The following CUX2 variants were observed in gnomAD, a reference collection of about 807,000 sequenced individuals.
CUX2 encodes homeobox protein cut-like 2.
A neutral mutation model predicts 144.8 loss-of-function variants in CUX2; 40 were observed. The observed-to-expected ratio is 0.28, with a 90% CI of 0.21 to 0.36. CUX2 has a LOEUF of 0.36. Among genes scored for constraint, CUX2 ranks in the 10% least tolerant of loss-of-function variants. The pLI is 1.00. For synonymous variants in CUX2, 827 were observed against 875.6 expected (o/e 0.94, Z 0.98); for missense variants, 1,615 against 1,994.0 (o/e 0.81, Z 3.62).
chr12:111,303,694 C>T (rs1038094650), intron 9 of CUX2, among the ~76,000 whole-genome samples: 2 of 152,040 alleles, frequency 1.3e-5, no homozygotes, highest in Admixed American at 6.6e-5. Context: ...AGTGACTTGC[C>T]CAGGGGCTGC....
intron 1 of CUX2, among the ~76,000 whole-genome samples, chr12:111,143,544 T>C (rs1456864188): frequency 6.6e-6 from 1 of 152,248 alleles, no homozygotes; most frequent in African/African-American, 2.4e-5. Context: ...TTTGTCATAC[T>C]GTAATTGTTC....
At chr12:111,220,583 C>T (rs1881793036) in intron 3 of CUX2, among the ~76,000 whole-genome samples, 1 of 151,730 alleles carries the variant, frequency 6.6e-6, no homozygotes, top group African/African-American at 2.4e-5. Flanking sequence ...TGAACTTCAG[C>T]TTTCCTCCTC....
At chr12:111,204,606 C>T (rs1054456799) in intron 1 of CUX2, among the ~76,000 whole-genome samples, 1 of 152,208 alleles carries the variant, frequency 6.6e-6, no homozygotes, top group Non-Finnish European at 1.5e-5. Flanking sequence ...GGCACTTCCT[C>T]GCCGTGTGAT....
In CUX2 at chr12:111,347,692, G is replaced by T; in HGVS notation, c.3828G>T (p.Glu1276Asp). Reference sequence around the variant, plus strand: ...AGAAGCCAACCGTGAAGGAACTGGAGCTTCAGGAGGGCCCTGAGGAGAACA... The same window carrying T: ...AGAAGCCAACCGTGAAGGAACTGGATCTTCAGGAGGGCCCTGAGGAGAACA... ...EDQKPTVKELELQEGPEENST... is the reference protein window; with the variant it reads ...EDQKPTVKELDLQEGPEENST... Residue 1276 changes from glutamate (E) to aspartate (D), a missense_variant, in exon 22 of 22, where the codon GAG (glutamate) becomes GAT (aspartate). Physicochemically the swap from Glu to Asp is conservative, Grantham distance 45. This residue lies in a region of CUX2 where 298 missense variants were observed against 330.4 expected (regional missense o/e 0.90). Transcript: ENST00000261726. 6.2e-7 allele frequency: 1 copy of T among 1,613,856 alleles called. No individual in the cohort carries two copies. The highest frequency in any genetic ancestry group is 8.5e-7 in the Non-Finnish European group (1 of 1,179,974).
intron 1 of CUX2, among the ~76,000 whole-genome samples, chr12:111,169,756 A>C (rs867780705): frequency 7.9e-5 from 12 of 152,224 alleles, no homozygotes; most frequent in African/African-American, 2.9e-4. Context: ...TTTAGAACAG[A>C]ATATTATTTA....
chr12:111,181,215 A>G (rs1879154061), intron 1 of CUX2, among the ~76,000 whole-genome samples: 1 of 152,240 alleles, frequency 6.6e-6, no homozygotes, highest in South Asian at 2.1e-4. Flanking sequence ...CATTGCAGCA[A>G]AACAGATGTT....
At chr12:111,292,678 GT>G (rs1439202779) in intron 5 of CUX2, among the ~76,000 whole-genome samples, 2 of 152,210 alleles carry the variant, frequency 1.3e-5, no homozygotes, top group Non-Finnish European at 2.9e-5. Context: ...GGTGTGAAAT[GT>G]CAAAACAGGC....
intron 18 of CUX2, among the ~76,000 whole-genome samples, chr12:111,331,517 G>T (rs920097652): frequency 6.6e-6 from 1 of 152,028 alleles, no homozygotes; most frequent in Non-Finnish European, 1.5e-5. Flanking sequence ...TTCTCAGGAG[G>T]CTCAGCTCAC....
chr12:111,181,530 T>G (rs1385719344), intron 1 of CUX2, among the ~76,000 whole-genome samples: 2 of 152,212 alleles, frequency 1.3e-5, no homozygotes, highest in Non-Finnish European at 2.9e-5. Context: ...TGCTGGAGAA[T>G]TAGATCCTGA....
At chr12:111,264,039 C>G (rs1209375176) in intron 4 of CUX2, among the ~76,000 whole-genome samples, 200 bp downstream of exon 4, 1 of 152,150 alleles carries the variant, frequency 6.6e-6, no homozygotes. Context: ...CTTCCTTCAT[C>G]ATGTTGTCAC....
intron 1 of CUX2, among the ~76,000 whole-genome samples, chr12:111,069,535 T>TGTGTGTGTGTGTGTGTGTGCGCGCGC (rs1871168068): frequency 6.7e-6 from 1 of 148,562 alleles, no homozygotes; most frequent in South Asian, 2.1e-4. Context: ...TGTGTGTGTG[T>TGTGTGTGTGTGTGTGTGTGCGCGCGC]GTGTGTGTGT....
chr12:111,118,384 ATCTCTCC>A (rs1874424552), intron 1 of CUX2, among the ~76,000 whole-genome samples: 1 of 152,184 alleles, frequency 6.6e-6, no homozygotes, highest in South Asian at 2.1e-4. Flanking sequence ...GCCCCTGTAC[ATCTCTCC>A]CTAGCTGTGC....
At position 111,320,383 on chromosome 12, in the gene CUX2, G is replaced by A; in HGVS notation, c.2374G>A (p.Asp792Asn). The A allele has an allele frequency of 9.4e-6, 15 of 1,597,988 alleles. No individual in the cohort carries two copies. The highest frequency in any genetic ancestry group is 1.2e-5 in the Non-Finnish European group (14 of 1,179,128). ...AGYFDHHWAS[D>N]RGLLSRPYAS... ...CTACTTCGACCACCACTGGGCCTCC[G>A]ACCGCGGCCTGCTCAGCCGCCCCTA... is the stretch of plus-strand genomic sequence containing the variant. Residue 792 changes from aspartate (D) to asparagine (N), a missense_variant, in exon 17 of 22, where the codon GAC (aspartate) becomes AAC (asparagine). Physicochemically the swap from Asp to Asn is conservative, Grantham distance 23. This residue lies in a region of CUX2 where 390 missense variants were observed against 387.1 expected (regional missense o/e 1.01). Coordinates refer to ENST00000261726, the MANE Select transcript of CUX2 (RefSeq NM_015267.4). The surrounding 1 kb of genome is among the most constrained non-coding windows in gnomAD (Gnocchi z 8.1).
chr12:111,106,862 A>G (rs772342585), intron 1 of CUX2, among the ~76,000 whole-genome samples: 2 of 152,194 alleles, frequency 1.3e-5, no homozygotes, highest in African/African-American at 2.4e-5. Flanking sequence ...GGGAGAGGAA[A>G]GAAGGACAGG....
At position 111,316,596 on chromosome 12, in the gene CUX2, C is replaced by T. The variant is rs548044285; in HGVS notation, c.2003-3416C>T. Among the ~76,000 whole-genome samples, 32 of 150,158 alleles carry T rather than the reference C, an allele frequency of 2.1e-4. No individual in the cohort carries two copies. In the South Asian group the frequency reaches 5.7e-3, roughly 27 times the overall value. On this transcript the variant is annotated intron_variant, in intron 16 of 21. Transcript: ENST00000261726. ...TCCTGAGTAGCTGGGATTACAGGTG[C>T]GTGCCACCACGCCCAGCTAATTTTT...
intron 1 of CUX2, among the ~76,000 whole-genome samples, chr12:111,164,496 A>G (rs1458814718): frequency 6.6e-6 from 1 of 152,054 alleles, no homozygotes; most frequent in African/African-American, 2.4e-5. Flanking sequence ...GAATCACTTG[A>G]ATCTGGGAGG....
chr12:111,248,641 G>A (rs1034623618), intron 3 of CUX2, among the ~76,000 whole-genome samples: 3 of 152,088 alleles, frequency 2.0e-5, no homozygotes, highest in Admixed American at 1.3e-4. Context: ...GATAAAGGGG[G>A]TGTCGGTCTA....
intron 1 of CUX2, among the ~76,000 whole-genome samples, chr12:111,053,166 AG>A (rs1870360963): frequency 6.6e-6 from 1 of 152,178 alleles, no homozygotes; most frequent in Non-Finnish European, 1.5e-5. Flanking sequence ...CTCCACATGG[AG>A]GAAATGAGCG....
intron 1 of CUX2, among the ~76,000 whole-genome samples, chr12:111,131,237 C>A (rs1284674734): frequency 6.6e-6 from 1 of 152,136 alleles, no homozygotes. Context: ...AAAGCAGAAA[C>A]CCCTGATAAA....
Sources: gnomAD v4.1 joint callset for allele counts (sites outside exome capture counted in the v4.1 genomes callset) on GRCh38, gnomAD v4.1.1 for gene constraint, gnomAD v4.1.1 regional missense constraint, Gnocchi (gnomAD v3.1) non-coding constraint, MANE v1.5 for transcripts, NCBI Gene and HGNC (gene_info 2026-07-23, HGNC 2026-07-21) for gene names.